Variants in CADM2 observed in about 807,000 individuals in gnomAD.
CADM2 encodes immunoglobulin superfamily member 4D.
CADM2 carries 12 observed loss-of-function variants against 49.8 expected under a neutral mutation model. The observed-to-expected ratio is 0.24, with a 90% CI of 0.15 to 0.39. The LOEUF is 0.39. CADM2 is among the 10% of genes least tolerant of loss of function. The pLI is 1.00. For synonymous variants in CADM2, 214 were observed against 175.4 expected, an observed-to-expected ratio of 1.22 and a Z score of -1.74; for missense variants, 378 against 492.3, an observed-to-expected ratio of 0.77 and a Z score of 2.20.
chr3:85,855,198 G>A (rs554089300), intron 3 of CADM2, among the ~76,000 whole-genome samples: 5 of 152,090 alleles, frequency 3.3e-5, no homozygotes, highest in East Asian at 3.9e-4. Context: ...CAAAGTGGCC[G>A]GCAATGAGCA....
At chr3:85,085,602 C>CT (rs1180189056) in intron 1 of CADM2, among the ~76,000 whole-genome samples, 2 of 152,100 alleles carry the variant, frequency 1.3e-5, no homozygotes, top group Non-Finnish European at 2.9e-5. Flanking sequence ...AGACGTGCTA[C>CT]TTTGCTGCAT....
intron 1 of CADM2, among the ~76,000 whole-genome samples, chr3:85,664,319 A>G (rs2065498564): frequency 6.6e-6 from 1 of 152,010 alleles, no homozygotes; most frequent in South Asian, 2.1e-4. Flanking sequence ...TTCTATAGCT[A>G]CAGGCATTTT....
intron 1 of CADM2, among the ~76,000 whole-genome samples, chr3:85,211,803 T>C (rs538400189): frequency 4.4e-4 from 67 of 152,306 alleles, no homozygotes; most frequent in African/African-American, 1.5e-3. Context: ...ATATGCTATA[T>C]AGTACAAGTT....
chr3:85,774,996 G>A (rs2070288700), intron 2 of CADM2, among the ~76,000 whole-genome samples: 1 of 151,540 alleles, frequency 6.6e-6, no homozygotes, highest in Non-Finnish European at 1.5e-5. Context: ...ATATATATGT[G>A]TACTTACATA....
intron 1 of CADM2, among the ~76,000 whole-genome samples, chr3:85,012,501 T>C (rs1473928122): frequency 1.3e-5 from 2 of 149,356 alleles, no homozygotes; most frequent in Non-Finnish European, 3.0e-5. Flanking sequence ...ATATTTATAA[T>C]ATATTATTTA....
intron 2 of CADM2, among the ~76,000 whole-genome samples, chr3:85,757,399 T>G (rs536483713): frequency 2.0e-4 from 31 of 152,208 alleles, no homozygotes; most frequent in African/African-American, 7.5e-4. Flanking sequence ...GAGCTTGCAA[T>G]TGAGGAGTCC....
intron 1 of CADM2, among the ~76,000 whole-genome samples, chr3:85,589,302 G>A (rs1174860992): frequency 6.6e-6 from 1 of 152,018 alleles, no homozygotes; most frequent in East Asian, 1.9e-4. Flanking sequence ...TTGAGTTTCT[G>A]ACCCTAAAAC....
At chr3:85,950,804 C>T (rs764651039) in intron 7 of CADM2, among the ~76,000 whole-genome samples, 20 of 151,044 alleles carry the variant, frequency 1.3e-4, no homozygotes, top group Non-Finnish European at 2.7e-4. Context: ...TAAAGCTAAC[C>T]GATAATGTAA....
chr3:85,816,550 A>G (rs2073217129), intron 3 of CADM2, among the ~76,000 whole-genome samples: 1 of 152,228 alleles, frequency 6.6e-6, no homozygotes, highest in African/African-American at 2.4e-5. Context: ...TTTTAATAGA[A>G]TAGATACTTT....
At chr3:85,627,255 T>C (rs1030760507) in intron 1 of CADM2, among the ~76,000 whole-genome samples, 2 of 152,056 alleles carry the variant, frequency 1.3e-5, no homozygotes, top group African/African-American at 4.8e-5. Flanking sequence ...TCTGGCTTTG[T>C]AATTCTTTCT....
rs958866006 is a variant in CADM2 at position 86,068,776 on chromosome 3, A to T, written c.*1993A>T. 3.9e-5 allele frequency: 6 copies of T among 152,392 alleles called. No individual in the cohort carries two copies. The highest frequency in any genetic ancestry group is 2.1e-4 in the South Asian group (1 of 4,830). The allele number at this position is 152,392 out of a possible 1,614,324, so 9.4% of individuals were successfully genotyped here. On this transcript the variant is annotated 3_prime_UTR_variant, in exon 10 of 10. Transcript: ENST00000383699. ...TGGTTGAGTGTTAACATAATAAATC[A>T]TATACAGTATGACATTTTAAGGAAA...
At chr3:85,518,432 T>G (rs926878898) in intron 1 of CADM2, among the ~76,000 whole-genome samples, 1 of 152,270 alleles carries the variant, frequency 6.6e-6, no homozygotes, top group East Asian at 1.9e-4. Flanking sequence ...CTTTTTTTTT[T>G]TTTTAAATCA....
At chr3:85,568,457 T>TCTCTCTC (rs1559915948) in intron 1 of CADM2, among the ~76,000 whole-genome samples, 2 of 36,024 alleles carry the variant, frequency 5.6e-5, no homozygotes, top group African/African-American at 2.0e-4. Flanking sequence ...CTTTCTTTCT[T>TCTCTCTC]TCTTTCTCTT....
chr3:85,955,155 A>G (rs1401928786), intron 7 of CADM2, among the ~76,000 whole-genome samples: 1 of 151,322 alleles, frequency 6.6e-6, no homozygotes, highest in Non-Finnish European at 1.5e-5. Flanking sequence ...TTAAGATAGA[A>G]CAAGATGTTG....
At chr3:85,529,187 A>G (rs1412733532) in intron 1 of CADM2, among the ~76,000 whole-genome samples, 1 of 152,194 alleles carries the variant, frequency 6.6e-6, no homozygotes. Flanking sequence ...TGAGAACTTA[A>G]GTCTAAACCT....
intron 7 of CADM2, among the ~76,000 whole-genome samples, chr3:85,939,736 A>G (rs1391904034): frequency 2.0e-5 from 3 of 150,808 alleles, no homozygotes; most frequent in African/African-American, 7.3e-5. Flanking sequence ...ATCCAGCACA[A>G]TGTTTATGCT....
intron 2 of CADM2, among the ~76,000 whole-genome samples, chr3:85,738,664 T>C (rs891190507): frequency 2.0e-5 from 3 of 152,218 alleles, no homozygotes; most frequent in African/African-American, 7.2e-5. Context: ...TTTTCTGCCT[T>C]TTTTCTTTTT....
At chr3:85,648,417 C>G (rs1011227996) in intron 1 of CADM2, among the ~76,000 whole-genome samples, 6 of 151,744 alleles carry the variant, frequency 4.0e-5, no homozygotes, top group Admixed American at 3.9e-4. Flanking sequence ...TTTTCCACCC[C>G]CCTCTATCTG....
chr3:84,960,621 G>A (rs1312792923), intron 1 of CADM2, among the ~76,000 whole-genome samples: 1 of 152,050 alleles, frequency 6.6e-6, no homozygotes, highest in Non-Finnish European at 1.5e-5. Context: ...CACGTGAAAT[G>A]TAAGAACCTC....
Sources: gnomAD v4.1 joint callset for allele counts (sites outside exome capture counted in the v4.1 genomes callset) on GRCh38, gnomAD v4.1.1 for gene constraint, MANE v1.5 for transcripts, NCBI Gene and HGNC (gene_info 2026-07-23, HGNC 2026-07-21) for gene names.